The following GPBP1L1 variants were observed in gnomAD, a reference collection of about 807,000 sequenced individuals.
GPBP1L1 encodes vasculin-like protein 1.
In GPBP1L1, 23 loss-of-function variants were observed where a neutral mutation model predicts 52.5. The ratio of observed to expected loss-of-function variants is 0.44; its 90% CI spans 0.32 to 0.62. The LOEUF (loss-of-function observed/expected upper bound fraction) is 0.62. GPBP1L1 is among the 20% of genes least tolerant of loss of function. GPBP1L1 has a pLI of 0.06. For missense variants in GPBP1L1, 596 were observed against 579.3 expected, an observed-to-expected ratio of 1.03 and a Z score of -0.30; for synonymous variants, 243 against 203.1, an observed-to-expected ratio of 1.20 and a Z score of -1.67.
chr1:45,672,190 G>A (rs1400595508), intron 2 of GPBP1L1, among the ~76,000 whole-genome samples: 1 of 152,048 alleles, frequency 6.6e-6, no homozygotes. Context: ...ATGAAACCAT[G>A]TCTCTACTAA....
chr1:45,660,257 T>A lies in GPBP1L1; in HGVS notation c.-129A>T. 2.0e-6 allele frequency: 2 copies of A among 985,342 alleles called. No homozygotes were observed. The highest frequency in any genetic ancestry group is 2.4e-6 in the Non-Finnish European group (2 of 829,914). 61.0% of individuals were successfully genotyped at this position (985,342 alleles called of 1,614,324 possible). On this transcript the variant is annotated 5_prime_UTR_variant, in exon 3 of 13. Coordinates refer to ENST00000355105, the MANE Select transcript of GPBP1L1 (RefSeq NM_021639.5). The stretch of plus-strand genomic sequence containing the variant: ...CTGGATCTCCCACAAGGTTTCCTTG[T>A]TAAAAGGGTGCTTAAGTAACCTGGC...
In GPBP1L1 at chr1:45,653,702, C is replaced by CTTTT. The variant is rs143229482; in HGVS notation, c.477+837_477+840dup. 2.8e-5 allele frequency among the ~76,000 whole-genome samples: 4 copies of CTTTT among 143,130 alleles called. No individual in the cohort carries two copies. The South Asian group carries it at 8.7e-4, about 31-fold the overall frequency. 93.9% of individuals were successfully genotyped at this position (143,130 alleles called of 152,430 possible). A position where few individuals can be genotyped will look rare whatever the true frequency, so the allele number is the denominator to read the frequency against. ...TTGTTAAAATGATAATCTTTTTTTT[C>CTTTT]TTTTTTTTTTTTTTGAGACAGAGTC... On this transcript the variant is annotated intron_variant, in intron 6 of 12. Coordinates refer to ENST00000355105, the MANE Select transcript of GPBP1L1 (RefSeq NM_021639.5).
intron 2 of GPBP1L1, among the ~76,000 whole-genome samples, chr1:45,682,912 A>G (rs1296928790): frequency 6.6e-6 from 1 of 152,202 alleles, no homozygotes; most frequent in Admixed American, 6.6e-5. Context: ...CTGATTTAGA[A>G]GTAACTTGGG....
intron 2 of GPBP1L1, among the ~76,000 whole-genome samples, chr1:45,683,298 C>A (rs1645234749): frequency 7.1e-6 from 1 of 141,258 alleles, no homozygotes; most frequent in African/African-American, 2.7e-5. Context: ...CTCTGCCTTC[C>A]GGATTCATGC....
chr1:45,640,471 T>C, intron 7 of GPBP1L1, 68 bp from the exon 8 acceptor site: 2 of 1,304,346 alleles, frequency 1.5e-6, no homozygotes, highest in African/African-American at 1.5e-5. Flanking sequence ...GCATAGTTTA[T>C]ACAAAGGCCT....
chr1:45,654,266 A>C, intron 6 of GPBP1L1: 1 of 260,502 alleles, frequency 3.8e-6, no homozygotes, highest in Non-Finnish European at 7.3e-6. Context: ...TTTTAACATA[A>C]TTATATTTGA....
intron 2 of GPBP1L1, among the ~76,000 whole-genome samples, chr1:45,671,521 T>C (rs1394154829): frequency 6.6e-6 from 1 of 152,100 alleles, no homozygotes; most frequent in Non-Finnish European, 1.5e-5. Context: ...GACTCTTTAA[T>C]ATTAGTTTTA....
chr1:45,641,468 AC>A (rs1644672502), intron 7 of GPBP1L1, among the ~76,000 whole-genome samples: 1 of 150,468 alleles, frequency 6.6e-6, no homozygotes, highest in African/African-American at 2.5e-5. Context: ...ATAAACACAC[AC>A]ACACACACAC....
chr1:45,643,131 A>C (rs1299399909), intron 6 of GPBP1L1, among the ~76,000 whole-genome samples: 2 of 152,256 alleles, frequency 1.3e-5, no homozygotes, highest in African/African-American at 2.4e-5. Context: ...CTATCAGAAA[A>C]GGCTTTACTA....
In GPBP1L1 at chr1:45,633,514, T is replaced by C. The variant is rs552938453; in HGVS notation, c.1019A>G (p.Asn340Ser). ...ATCTTCCAGCTTGTCACAGTCTCTA[T>C]TCTCTGAGAAGTCTCCATTCCGGTC... is the stretch of plus-strand genomic sequence containing the variant. Reference protein sequence around the residue: ...KDDRNGDFSENRDCDKLEDLE... With the variant: ...KDDRNGDFSESRDCDKLEDLE... Residue 340 changes from asparagine (N) to serine (S), a missense_variant, in exon 10 of 13, where the codon AAT (asparagine) becomes AGT (serine). By Grantham distance (46) the Asn-to-Ser change is conservative (BLOSUM62 1). Transcript: ENST00000355105. The C allele has an allele frequency of 1.2e-6, 2 of 1,614,042 alleles. No homozygotes were observed. The highest frequency in any genetic ancestry group is 1.7e-6 in the Non-Finnish European group (2 of 1,180,004).
chr1:45,642,249 T>C (rs966003862), intron 7 of GPBP1L1, among the ~76,000 whole-genome samples, 178 bp downstream of exon 7: 1 of 152,106 alleles, frequency 6.6e-6, no homozygotes, highest in East Asian at 1.9e-4. Flanking sequence ...TCAGTGGTGT[T>C]TGGGGGTTGG....
intron 6 of GPBP1L1, among the ~76,000 whole-genome samples, chr1:45,649,656 A>G (rs1319192331): frequency 2.0e-5 from 3 of 152,174 alleles, no homozygotes; most frequent in Non-Finnish European, 4.4e-5. Context: ...CTGTTTCACT[A>G]CTGGTAATTT....
At chr1:45,684,268 A>AAT (rs1645251742) in intron 2 of GPBP1L1, among the ~76,000 whole-genome samples, 1 of 151,090 alleles carries the variant, frequency 6.6e-6, no homozygotes. Context: ...CAAAAAAAAA[A>AAT]AAAAAAAAAG....
At chr1:45,683,699 C>T (rs370799634) in intron 2 of GPBP1L1, among the ~76,000 whole-genome samples, 20 of 143,504 alleles carry the variant, frequency 1.4e-4, no homozygotes, top group African/African-American at 4.9e-4. Flanking sequence ...TCCCTGAGTT[C>T]GAGACCAGCT....
intron 10 of GPBP1L1, among the ~76,000 whole-genome samples, chr1:45,630,931 G>A (rs1347670386): frequency 2.0e-5 from 3 of 152,094 alleles, no homozygotes; most frequent in Non-Finnish European, 2.9e-5. Flanking sequence ...AAGAGGTGTG[G>A]GGGGAAAAAG....
Position 45,646,436 on chromosome 1 carries a change from T to A in GPBP1L1, c.478-3937A>T, listed in dbSNP as rs530464404. Among the ~76,000 whole-genome samples, 62 of 152,372 alleles carry A rather than the reference T, an allele frequency of 4.1e-4. 1 individual carries two copies. The South Asian group carries it at 6.2e-3, about 15-fold the overall frequency. ...TGCCTGAATGGCCAAAGGATATCTT[T>A]CTTTTTTTGTTCAAGTCTAGTATTT... On this transcript the variant is annotated intron_variant, in intron 6 of 12. Transcript: ENST00000355105.
intron 6 of GPBP1L1, among the ~76,000 whole-genome samples, chr1:45,645,115 TTC>T (rs1425510963): frequency 6.6e-6 from 1 of 152,214 alleles, no homozygotes; most frequent in Non-Finnish European, 1.5e-5. Flanking sequence ...CCCTAAGTAG[TTC>T]TTTACTTCTT....
intron 8 of GPBP1L1, chr1:45,635,437 C>T (rs941174680): frequency 3.3e-5 from 5 of 152,154 alleles, no homozygotes; most frequent in African/African-American, 1.2e-4. Flanking sequence ...ACCAGATGTC[C>T]TGTCTTTAAA....
In GPBP1L1 at chr1:45,654,814, G is replaced by T. The variant is rs1644864455; in HGVS notation, c.206C>A (p.Pro69His). 6.2e-7 allele frequency: 1 copy of T among 1,613,930 alleles called. No individual in the cohort carries two copies. The highest frequency in any genetic ancestry group is 8.5e-7 in the Non-Finnish European group (1 of 1,179,932). Residue 69 changes from proline (P) to histidine (H), a missense_variant, in exon 6 of 13, where the codon CCC becomes CAC. Coordinates refer to ENST00000355105, the MANE Select transcript of GPBP1L1 (RefSeq NM_021639.5). Reference protein sequence around the residue: ...LRTAGDSWHQPSLFRHDSVDS... With the variant: ...LRTAGDSWHQHSLFRHDSVDS... ...CACAGAATCATGGCGGAACAGGGAG[G>T]GCTGGTGCCAAGAATCTAGAATAGT...
Sources: allele counts gnomAD v4.1 joint callset (sites outside exome capture counted in the v4.1 genomes callset), GRCh38; gene constraint gnomAD v4.1.1; transcripts MANE v1.5; gene names NCBI Gene and HGNC (gene_info 2026-07-23, HGNC 2026-07-21).